Variants in ARL8B observed in about 807,000 individuals in gnomAD.
ARL8B encodes the protein ADP-ribosylation factor-like protein 8B.
In ARL8B, 9 loss-of-function variants were observed where a neutral mutation model predicts 30.6. The ratio of observed to expected loss-of-function variants is 0.29; its 90% CI spans 0.18 to 0.51. The LOEUF (loss-of-function observed/expected upper bound fraction) is 0.51. ARL8B is among the 20% of genes least tolerant of loss of function. ARL8B has a pLI of 0.97. For missense variants in ARL8B, 130 were observed against 227.2 expected (o/e 0.57, Z 2.75); for synonymous variants, 74 against 76.0 (o/e 0.97, Z 0.14).
rs375486800 is a variant in ARL8B, at chr3:5,134,788, A to G, written c.123+12200A>G. On this transcript the variant is annotated intron_variant, in intron 1 of 6. Transcript: ENST00000256496. ...TTATAGTGCTCACAGATAGCAGTTC[A>G]TTTTGGAACATGCGGACATTACCAT... Among the ~76,000 whole-genome samples the G allele has an allele frequency of 1.6e-4, 24 of 152,322 alleles. No individual in the cohort carries two copies. The South Asian group carries it at 4.1e-3, about 26-fold the overall frequency.
intron 1 of ARL8B, among the ~76,000 whole-genome samples, chr3:5,167,895 A>G (rs1474799505): frequency 6.6e-6 from 1 of 152,210 alleles, no homozygotes; most frequent in East Asian, 1.9e-4. Flanking sequence ...CTGAGTGGTT[A>G]TAGTTGTTCA....
chr3:5,154,891 T>TTTTG (rs77688723), intron 1 of ARL8B, among the ~76,000 whole-genome samples: 57,550 of 151,178 alleles, frequency 0.38, 12,319 homozygotes, highest in African/African-American at 0.6. Flanking sequence ...TTGTGGTTGT[T>TTTTG]TTTGTTTGTT....
At chr3:5,152,177 T>A (rs1296011696) in intron 1 of ARL8B, among the ~76,000 whole-genome samples, 2 of 152,238 alleles carry the variant, frequency 1.3e-5, no homozygotes, top group Non-Finnish European at 2.9e-5. Flanking sequence ...TCAATTAACA[T>A]GAGAGGAATG....
At chr3:5,164,160 A>G (rs761461469) in intron 1 of ARL8B, among the ~76,000 whole-genome samples, 1 of 152,178 alleles carries the variant, frequency 6.6e-6, no homozygotes, top group Non-Finnish European at 1.5e-5. Flanking sequence ...TTGTTTGGAA[A>G]AAATCCATGT....
At chr3:5,133,930 G>A (rs1162648920) in intron 1 of ARL8B, among the ~76,000 whole-genome samples, 8 of 152,070 alleles carry the variant, frequency 5.3e-5, no homozygotes, top group South Asian at 2.1e-4. Context: ...GTGAGACCAG[G>A]TCTCCCCTGC....
chr3:5,125,204 A>G (rs1292045639), intron 1 of ARL8B, among the ~76,000 whole-genome samples: 1 of 152,192 alleles, frequency 6.6e-6, no homozygotes. Flanking sequence ...ATTAAATGAC[A>G]TGAAAGATGT....
chr3:5,130,219 T>C (rs1419619107), intron 1 of ARL8B, among the ~76,000 whole-genome samples: 3 of 149,500 alleles, frequency 2.0e-5, no homozygotes, highest in Non-Finnish European at 4.4e-5. Context: ...AGACTTCATC[T>C]CACTGTGTTG....
intron 1 of ARL8B, among the ~76,000 whole-genome samples, chr3:5,134,367 C>T (rs2054307767): frequency 6.6e-6 from 1 of 152,150 alleles, no homozygotes. Flanking sequence ...TCTTTAATAG[C>T]TGGGATGAAG....
chr3:5,170,428 C>A, intron 1 of ARL8B, 75 bp from the exon 2 acceptor site: 2 of 924,072 alleles, frequency 2.2e-6, no homozygotes, highest in South Asian at 1.8e-5. Context: ...GTTACAAATG[C>A]AATGTTGATA....
intron 1 of ARL8B, chr3:5,128,556 A>G: frequency 2.6e-6 from 1 of 390,828 alleles, no homozygotes; most frequent in South Asian, 1.9e-5. Flanking sequence ...TCACAAGTTA[A>G]TGGATTTTTT....
chr3:5,167,386 A>C (rs2054633342), intron 1 of ARL8B, among the ~76,000 whole-genome samples: 1 of 152,222 alleles, frequency 6.6e-6, no homozygotes, highest in South Asian at 2.1e-4. Context: ...GCAGAAGAGT[A>C]CTGTGCCTAA....
At chr3:5,152,739 G>A (rs553591850) in intron 1 of ARL8B, among the ~76,000 whole-genome samples, 1 of 152,276 alleles carries the variant, frequency 6.6e-6, no homozygotes, top group South Asian at 2.1e-4. Context: ...TCCTTCCTAG[G>A]CCTCTGAAAG....
Position 5,122,423 on chromosome 3 carries a change from C to G in ARL8B, c.-43C>G. 1 of 1,609,848 alleles carries G rather than the reference C, an allele frequency of 6.2e-7. No homozygotes were observed. The highest frequency in any genetic ancestry group is 8.5e-7 in the Non-Finnish European group (1 of 1,178,910). On this transcript the variant is annotated 5_prime_UTR_variant, in exon 1 of 7. Transcript: ENST00000256496. ...CTCGTGTGGAAGTCGTCGACGCCGC[C>G]GCTCGTCCGTCCTCCCGTCCGTTCT...
At chr3:5,149,281 G>A (rs1192385140) in intron 1 of ARL8B, among the ~76,000 whole-genome samples, 1 of 152,196 alleles carries the variant, frequency 6.6e-6, no homozygotes, top group Non-Finnish European at 1.5e-5. Context: ...GTTTGTCTAT[G>A]GCCTCTGCCG....
chr3:5,142,676 A>G (rs1184137807), intron 1 of ARL8B, among the ~76,000 whole-genome samples: 1 of 152,124 alleles, frequency 6.6e-6, no homozygotes, highest in Non-Finnish European at 1.5e-5. Context: ...TTTTAGGGTT[A>G]TTATTTGGCA....
chr3:5,140,493 T>C (rs534830068), intron 1 of ARL8B, among the ~76,000 whole-genome samples: 20 of 152,234 alleles, frequency 1.3e-4, no homozygotes, highest in African/African-American at 4.3e-4. Context: ...CTCTTTCCTT[T>C]GTAAATTACC....
chr3:5,177,689 C>G (rs974677232), intron 6 of ARL8B, among the ~76,000 whole-genome samples: 3 of 152,120 alleles, frequency 2.0e-5, no homozygotes, highest in African/African-American at 4.8e-5. Flanking sequence ...CTGCTGACCT[C>G]AGGTGATCAC....
chr3:5,153,329 A>G (rs1461048532), intron 1 of ARL8B, among the ~76,000 whole-genome samples: 1 of 152,080 alleles, frequency 6.6e-6, no homozygotes, highest in Non-Finnish European at 1.5e-5. Context: ...GATCTTTCCC[A>G]CGCTGTTTTC....
chr3:5,146,445 C>T (rs1249839919), intron 1 of ARL8B, among the ~76,000 whole-genome samples: 1 of 152,056 alleles, frequency 6.6e-6, no homozygotes, highest in Non-Finnish European at 1.5e-5. Flanking sequence ...TAATTAATTC[C>T]TCTATTACTG....
Sources: allele counts gnomAD v4.1 joint callset (sites outside exome capture counted in the v4.1 genomes callset), GRCh38; gene constraint gnomAD v4.1.1; transcripts MANE v1.5; gene names NCBI Gene and HGNC (gene_info 2026-07-23, HGNC 2026-07-21).